The following RAB31 variants were observed in gnomAD, a reference collection of about 807,000 sequenced individuals.
The protein encoded by RAB31 is RAB31, member RAS oncogene family.
Under a neutral mutation model 25.6 loss-of-function variants are expected in RAB31, and 21 were observed. The ratio of observed to expected loss-of-function variants is 0.82; its 90% CI spans 0.58 to 1.18. The LOEUF is 1.18. Among genes scored for constraint, RAB31 ranks in the 50% most tolerant of loss-of-function variants. The probability of loss-of-function intolerance (pLI) is 0.00; values close to 1 mark genes in which losing one functional copy is unlikely to be tolerated. For synonymous variants in RAB31, 87 were observed against 84.0 expected (o/e 1.04, Z -0.20); for missense variants, 196 against 250.1 (o/e 0.78, Z 1.46).
At chr18:9,715,530 T>C (rs8093075) in intron 1 of RAB31, among the ~76,000 whole-genome samples, 9,796 of 77,574 alleles carry the variant, frequency 0.13, 677 homozygotes, top group African/African-American at 0.32. Flanking sequence ...CTCTCTCTCT[T>C]TTTTTTTTTT....
chr18:9,721,962 C>T (rs998032277), intron 1 of RAB31, among the ~76,000 whole-genome samples: 2 of 152,122 alleles, frequency 1.3e-5, no homozygotes, highest in African/African-American at 4.8e-5. Flanking sequence ...AGAGACAGTA[C>T]TCAGGGCAGC....
At chr18:9,826,853 TC>T (rs11348626) in intron 5 of RAB31, among the ~76,000 whole-genome samples, 64,089 of 151,778 alleles carry the variant, frequency 0.42, 14,013 homozygotes, top group East Asian at 0.77. Context: ...GCCAGGATCC[TC>T]CGCGAAGGAG....
At chr18:9,793,896 T>C (rs2068474015) in intron 3 of RAB31, among the ~76,000 whole-genome samples, 1 of 152,178 alleles carries the variant, frequency 6.6e-6, no homozygotes, top group Non-Finnish European at 1.5e-5. Flanking sequence ...CTGCTTCATT[T>C]TTCTCCACAG....
chr18:9,755,519 T>C (rs1478551920), intron 1 of RAB31, among the ~76,000 whole-genome samples: 2 of 152,342 alleles, frequency 1.3e-5, no homozygotes, highest in Admixed American at 1.3e-4. Flanking sequence ...CTGTCAATTT[T>C]AGCTCATTGC....
At chr18:9,800,783 C>G (rs1357937574) in intron 3 of RAB31, among the ~76,000 whole-genome samples, 1 of 151,840 alleles carries the variant, frequency 6.6e-6, no homozygotes, top group East Asian at 1.9e-4. Flanking sequence ...ATGACCAGCC[C>G]CCCTTTTTTT....
chr18:9,804,937 C>T (rs562371101), intron 3 of RAB31, among the ~76,000 whole-genome samples: 1 of 152,296 alleles, frequency 6.6e-6, no homozygotes, highest in Non-Finnish European at 1.5e-5. Flanking sequence ...CTTAAAACAA[C>T]ACAGATAGAC....
intron 2 of RAB31, among the ~76,000 whole-genome samples, chr18:9,784,669 C>G (rs1035104259): frequency 6.6e-6 from 1 of 151,632 alleles, no homozygotes; most frequent in Non-Finnish European, 1.5e-5. Flanking sequence ...TCTCCTGCCT[C>G]AGTCCCCGAC....
chr18:9,839,671 T>C (rs1411633132), intron 5 of RAB31, among the ~76,000 whole-genome samples: 5 of 152,086 alleles, frequency 3.3e-5, no homozygotes, highest in African/African-American at 1.2e-4. Context: ...GTGAAGTCCA[T>C]TTGCCCTGAG....
rs1316753883 is a variant in RAB31 at position 9,708,627 on chromosome 18, G to A, written c.39+183G>A. On this transcript the variant is annotated intron_variant, in intron 1 of 6. Coordinates refer to ENST00000578921, the MANE Select transcript of RAB31 (RefSeq NM_006868.4). The surrounding 1 kb of genome is among the most constrained non-coding windows in gnomAD (Gnocchi z 6.4). The stretch of plus-strand genomic sequence containing the variant: ...GGTCCCCCTGGCTCCCCTAGTCCGT[G>A]CGCCCCTCGCTCTCCGCGCCCCTCG... Among the ~76,000 whole-genome samples, 2 of 150,052 alleles carry A rather than the reference G, an allele frequency of 1.3e-5. No homozygotes were observed. The highest frequency in any genetic ancestry group is 3.0e-5 in the Non-Finnish European group (2 of 67,386).
At chr18:9,732,630 G>A (rs6506685) in intron 1 of RAB31, among the ~76,000 whole-genome samples, 25,296 of 152,204 alleles carry the variant, frequency 0.17, 2,719 homozygotes, top group Non-Finnish European at 0.25. Context: ...CTACTGCAAG[G>A]ACTTCTTTTT....
chr18:9,804,125 GCTT>G (rs2068527783), intron 3 of RAB31, among the ~76,000 whole-genome samples: 2 of 152,338 alleles, frequency 1.3e-5, no homozygotes, highest in Non-Finnish European at 1.5e-5. Flanking sequence ...GCGTGGACAG[GCTT>G]CTTCTGCTTA....
At chr18:9,727,128 C>T (rs2068099593) in intron 1 of RAB31, among the ~76,000 whole-genome samples, 1 of 152,074 alleles carries the variant, frequency 6.6e-6, no homozygotes, top group Admixed American at 6.6e-5. Context: ...TGGATGCTGG[C>T]CTGGGGAGAT....
intron 1 of RAB31, among the ~76,000 whole-genome samples, chr18:9,724,294 A>G (rs1026834957): frequency 6.6e-6 from 1 of 151,404 alleles, no homozygotes; most frequent in Non-Finnish European, 1.5e-5. Context: ...AAAACAAAAA[A>G]AAAACATTAT....
At chr18:9,842,614 G>C (rs1196552552) in intron 5 of RAB31, among the ~76,000 whole-genome samples, 1 of 152,218 alleles carries the variant, frequency 6.6e-6, no homozygotes, top group Non-Finnish European at 1.5e-5. Context: ...GTAAGCACCT[G>C]TTCTTTAGGA....
At chr18:9,750,498 T>C (rs2068229278) in intron 1 of RAB31, among the ~76,000 whole-genome samples, 1 of 152,140 alleles carries the variant, frequency 6.6e-6, no homozygotes, top group Admixed American at 6.5e-5. Flanking sequence ...AATCCTTTTC[T>C]GGGGGAGAGG....
intron 1 of RAB31, among the ~76,000 whole-genome samples, chr18:9,749,277 T>C (rs2068221877): frequency 6.6e-6 from 1 of 152,198 alleles, no homozygotes. Context: ...CACATTGTCG[T>C]CATTGTTAAT....
intron 2 of RAB31, among the ~76,000 whole-genome samples, chr18:9,791,123 G>A (rs552004611): frequency 3.3e-5 from 5 of 152,138 alleles, no homozygotes; most frequent in East Asian, 1.9e-4. Flanking sequence ...GCCAATCATC[G>A]TCCTTGCATT....
At chr18:9,787,938 T>C (rs1408647239) in intron 2 of RAB31, 2 of 152,222 alleles carry the variant, frequency 1.3e-5, no homozygotes, top group Non-Finnish European at 2.9e-5. Context: ...AGTCTTTAGT[T>C]CTCCAAGATT....
At chr18:9,716,332 A>G (rs1269341901) in intron 1 of RAB31, among the ~76,000 whole-genome samples, 1 of 152,156 alleles carries the variant, frequency 6.6e-6, no homozygotes, top group Non-Finnish European at 1.5e-5. Flanking sequence ...ATCATGTATA[A>G]TATTAAAATA....
Sources: gnomAD v4.1 joint callset for allele counts (sites outside exome capture counted in the v4.1 genomes callset) on GRCh38, gnomAD v4.1.1 for gene constraint, Gnocchi (gnomAD v3.1) non-coding constraint, MANE v1.5 for transcripts, NCBI Gene and HGNC (gene_info 2026-07-23, HGNC 2026-07-21) for gene names.